The following TMC1 variants were observed in gnomAD, a reference collection of about 807,000 sequenced individuals.
The protein encoded by TMC1 is transmembrane channel like 1, also known as transmembrane channel-like protein 1.
In TMC1, 84 loss-of-function variants were observed where a neutral mutation model predicts 105.8. The observed-to-expected ratio is 0.79, with a 90% CI of 0.67 to 0.95. The LOEUF (loss-of-function observed/expected upper bound fraction) is 0.95. TMC1 is among the 40% of genes least tolerant of loss of function. TMC1 has a pLI of 0.00. For synonymous variants in TMC1, 315 were observed against 311.5 expected (o/e 1.01, Z -0.12); for missense variants, 817 against 914.1 (o/e 0.89, Z 1.37).
chr9:72,594,664 C>T (rs966092892), intron 2 of TMC1, among the ~76,000 whole-genome samples: 2 of 152,036 alleles, frequency 1.3e-5, no homozygotes, highest in African/African-American at 2.4e-5. Flanking sequence ...TGACTATGTC[C>T]CACAATTTAT....
chr9:72,621,541 C>A (rs1400660136), intron 3 of TMC1, among the ~76,000 whole-genome samples: 2 of 152,124 alleles, frequency 1.3e-5, no homozygotes, highest in East Asian at 3.9e-4. Flanking sequence ...TAAAAAAAAT[C>A]TTTTCCTGAC....
chr9:72,653,954 G>C (rs1825849173), intron 5 of TMC1, among the ~76,000 whole-genome samples: 1 of 152,118 alleles, frequency 6.6e-6, no homozygotes. Flanking sequence ...CCAAATTGTT[G>C]GGTGTATCAA....
chr9:72,700,741 TATACAC>T (rs1267462887), intron 8 of TMC1, 98 bp downstream of exon 8: 7 of 150,312 alleles, frequency 4.7e-5, no homozygotes, highest in African/African-American at 1.8e-4. Context: ...TATATATATA[TATACAC>T]ACACACACAC....
intron 2 of TMC1, among the ~76,000 whole-genome samples, chr9:72,590,043 G>C (rs1194635299): frequency 3.3e-5 from 5 of 152,138 alleles, no homozygotes; most frequent in Non-Finnish European, 7.3e-5. Flanking sequence ...GCCCTTGGCT[G>C]CCTCTCCTCC....
intron 8 of TMC1, among the ~76,000 whole-genome samples, chr9:72,709,281 T>C (rs79956838): frequency 6.6e-6 from 1 of 152,190 alleles, no homozygotes; most frequent in Non-Finnish European, 1.5e-5. Context: ...TTGTTAAGGA[T>C]TTTTGCATCT....
At chr9:72,821,919 C>G (rs1387462021) in intron 20 of TMC1, among the ~76,000 whole-genome samples, 2 of 152,178 alleles carry the variant, frequency 1.3e-5, no homozygotes, top group African/African-American at 4.8e-5. Flanking sequence ...AATTTGTTAT[C>G]CAAAATATCA....
chr9:72,670,541 A>G (rs1256594031), intron 5 of TMC1, among the ~76,000 whole-genome samples: 1 of 152,174 alleles, frequency 6.6e-6, no homozygotes, highest in Admixed American at 6.5e-5. Context: ...AAGAAGCATG[A>G]AAATAAATAC....
chr9:72,651,174 A>G (rs1185830398), intron 5 of TMC1: 1 of 151,306 alleles, frequency 6.6e-6, no homozygotes. Flanking sequence ...TTGGGACAGA[A>G]CAAGTCAACT....
chr9:72,544,995 T>C (rs987679959), intron 1 of TMC1, among the ~76,000 whole-genome samples: 1 of 151,998 alleles, frequency 6.6e-6, no homozygotes, highest in Admixed American at 6.6e-5. Context: ...GCCTTTGCAT[T>C]CTCGTAGCTT....
intron 2 of TMC1, among the ~76,000 whole-genome samples, chr9:72,606,445 G>A (rs1824914028): frequency 6.6e-6 from 1 of 152,164 alleles, no homozygotes; most frequent in Non-Finnish European, 1.5e-5. Context: ...TAAAACATGG[G>A]AGTGAACCAT....
rs988202784 is a variant in TMC1, at chr9:72,788,902, A to G, written c.1030-221A>G. ...AGAGTGAAGACTATCCTAATATCAG[A>G]GCAATCACAGTTTGTTTGCAAGAAT... On this transcript the variant is annotated intron_variant, in intron 14 of 23. Transcript: ENST00000297784. Among the ~76,000 whole-genome samples the G allele has an allele frequency of 4.3e-4, 65 of 152,078 alleles. 1 individual carries two copies. The highest frequency in any genetic ancestry group is 1.0e-4 in the Non-Finnish European group (7 of 68,012).
At chr9:72,817,713 C>A (rs1003590206) in intron 19 of TMC1, among the ~76,000 whole-genome samples, 3 of 152,130 alleles carry the variant, frequency 2.0e-5, no homozygotes, top group Non-Finnish European at 4.4e-5. Flanking sequence ...TAATGGCTGT[C>A]CTGCTTGGTT....
chr9:72,625,047 C>T (rs759579958), intron 3 of TMC1, among the ~76,000 whole-genome samples: 19 of 152,178 alleles, frequency 1.2e-4, no homozygotes, highest in Non-Finnish European at 2.4e-4. Flanking sequence ...TCTGAAAATT[C>T]TTTGACACTG....
chr9:72,670,998 G>A (rs1448785412), intron 5 of TMC1, among the ~76,000 whole-genome samples: 1 of 152,162 alleles, frequency 6.6e-6, no homozygotes, highest in African/African-American at 2.4e-5. Flanking sequence ...GTTCACAGCT[G>A]AGGCCACTAT....
intron 18 of TMC1, among the ~76,000 whole-genome samples, chr9:72,809,573 G>A (rs1410558788): frequency 6.6e-6 from 1 of 152,218 alleles, no homozygotes; most frequent in Non-Finnish European, 1.5e-5. Context: ...GGAATACAGG[G>A]ATGTAGAAGA....
At chr9:72,712,709 GCAAA>G (rs1459974553) in intron 8 of TMC1, among the ~76,000 whole-genome samples, 1 of 152,174 alleles carries the variant, frequency 6.6e-6, no homozygotes, top group Non-Finnish European at 1.5e-5. Context: ...CATGTCATCT[GCAAA>G]CAGAGACAAT....
chr9:72,616,762 A>G (rs1825137550), intron 3 of TMC1, among the ~76,000 whole-genome samples: 1 of 151,894 alleles, frequency 6.6e-6, no homozygotes, highest in Non-Finnish European at 1.5e-5. Flanking sequence ...AAAGGCACAA[A>G]AGGATGAATG....
intron 1 of TMC1, among the ~76,000 whole-genome samples, chr9:72,549,570 G>C (rs957720867): frequency 3.3e-5 from 5 of 150,400 alleles, no homozygotes; most frequent in Non-Finnish European, 7.4e-5. Flanking sequence ...AGCCTCCTGA[G>C]TAGCTAGGAT....
At chr9:72,575,290 C>T (rs1056010234) in intron 1 of TMC1, among the ~76,000 whole-genome samples, 1 of 152,084 alleles carries the variant, frequency 6.6e-6, no homozygotes, top group African/African-American at 2.4e-5. Context: ...AAGTGATTCT[C>T]CTGCCTCAGC....
Sources: gnomAD v4.1 joint callset for allele counts (sites outside exome capture counted in the v4.1 genomes callset) on GRCh38, gnomAD v4.1.1 for gene constraint, MANE v1.5 for transcripts, NCBI Gene and HGNC (gene_info 2026-07-23, HGNC 2026-07-21) for gene names.